CBFA2T3: variants seen among roughly 807,000 people sequenced by gnomAD.
CBFA2T3 encodes the protein transcriptional corepressor CBFA2T3.
CBFA2T3 carries 31 observed loss-of-function variants against 58.6 expected under a neutral mutation model. That is an observed-to-expected ratio of 0.53 (90% CI 0.40 to 0.71). The LOEUF is 0.71. Ranked by LOEUF, CBFA2T3 falls within the 30% of genes least tolerant of loss-of-function variation. The pLI is 0.00. For missense variants in CBFA2T3, 1,076 were observed against 963.1 expected, an observed-to-expected ratio of 1.12 and a Z score of -1.55; for synonymous variants, 531 against 421.9, an observed-to-expected ratio of 1.26 and a Z score of -3.17.
Position 88,894,631 on chromosome 16 carries a change from G to A in CBFA2T3, c.380-2146C>T, listed in dbSNP as rs118030829. Among the ~76,000 whole-genome samples the A allele has an allele frequency of 3.5e-3, 513 of 147,888 alleles. 10 individuals carry two copies. Among genetic ancestry groups the A allele is most frequent in the Non-Finnish European group, 5.5e-3 (360 of 65,790 alleles). Reference sequence around the variant, plus strand: ...TACACACATGCACACACACATGCACGGCTATGATGTACACGCTCGTCTCTC... The same window carrying A: ...TACACACATGCACACACACATGCACAGCTATGATGTACACGCTCGTCTCTC... On this transcript the variant is annotated intron_variant, in intron 3 of 11. Transcript: ENST00000268679.
chr16:88,975,595 C>G (rs1209651906), intron 1 of CBFA2T3, among the ~76,000 whole-genome samples: 1 of 152,270 alleles, frequency 6.6e-6, no homozygotes, highest in African/African-American at 2.4e-5. Flanking sequence ...CTGGTGCTGC[C>G]TTGAAGGTGG....
rs140759167 is a variant in CBFA2T3 at position 88,900,895 on chromosome 16, G to C, written c.304+609C>G. Among the ~76,000 whole-genome samples, 565 of 152,354 alleles carry C rather than the reference G, an allele frequency of 3.7e-3. 5 individuals are homozygous for C. Among genetic ancestry groups the C allele is most frequent in the African/African-American group, 0.013 (529 of 41,594 alleles). On this transcript the variant is annotated intron_variant, in intron 2 of 11. Transcript: ENST00000268679. ...CCAAGCACGGCCAACCCCTTGCCAG[G>C]GCCAGCAAGACAAGGCCTGACAGCT...
intron 1 of CBFA2T3, among the ~76,000 whole-genome samples, chr16:88,929,882 C>CCATA (rs1567615143): frequency 5.4e-5 from 8 of 149,282 alleles, no homozygotes; most frequent in African/African-American, 2.1e-4. Context: ...GCATCATCCA[C>CCATA]GCAAAAGTCA....
chr16:88,903,641 G>A (rs1260185964), intron 1 of CBFA2T3, among the ~76,000 whole-genome samples: 1 of 144,688 alleles, frequency 6.9e-6, no homozygotes, highest in Admixed American at 6.8e-5. Flanking sequence ...GTGTTCCTGT[G>A]GTGGGGGTGT....
intron 1 of CBFA2T3, among the ~76,000 whole-genome samples, chr16:88,963,543 C>T (rs1567637489): frequency 6.6e-6 from 1 of 152,190 alleles, no homozygotes. Flanking sequence ...TCACTGTCTT[C>T]TCCACACCCT....
rs1972298336 is a variant in CBFA2T3 at position 88,958,982 on chromosome 16, C to A, written c.151+17675G>T. Among the ~76,000 whole-genome samples, 1 of 152,210 alleles carries A rather than the reference C, an allele frequency of 6.6e-6. No homozygotes were observed. The highest frequency in any genetic ancestry group is 2.1e-4 in the South Asian group (1 of 4,838). ...CCCCGACCCCTGGCAACCCTGTCAG[C>A]TGCTCATTCACCTAATAGACAAGTG... On this transcript the variant is annotated intron_variant, in intron 1 of 11. Transcript: ENST00000268679. This position sits in a 1 kb window ranked among gnomAD's most constrained non-coding sequence, Gnocchi z 4.0.
intron 1 of CBFA2T3, among the ~76,000 whole-genome samples, chr16:88,923,391 CTGAGCTGCCAGGGACT>C (rs905348807): frequency 7.9e-5 from 12 of 152,236 alleles, no homozygotes; most frequent in Non-Finnish European, 1.5e-4. Context: ...TTGAGGTTTC[CTGAGCTGCCAGGGACT>C]TGCACAGAGA....
intron 10 of CBFA2T3, chr16:88,879,999 C>T (rs1567572694): frequency 6.2e-6 from 1 of 160,392 alleles, no homozygotes; most frequent in Non-Finnish European, 1.4e-5. Context: ...TCACCCCAGA[C>T]CCTGCTGTTA....
chr16:88,880,989 T>C, intron 9 of CBFA2T3: 1 of 674,172 alleles, frequency 1.5e-6, no homozygotes, highest in Non-Finnish European at 2.7e-6. Context: ...GCTGTGGACC[T>C]TGGACTCGGC....
chr16:88,925,408 G>A (rs763474911), intron 1 of CBFA2T3, among the ~76,000 whole-genome samples: 1 of 152,212 alleles, frequency 6.6e-6, no homozygotes, highest in Non-Finnish European at 1.5e-5. Context: ...AGGGGGCCAG[G>A]GGGTGGTGCT....
chr16:88,965,561 A>G (rs1215833924), intron 1 of CBFA2T3, among the ~76,000 whole-genome samples: 3 of 152,238 alleles, frequency 2.0e-5, no homozygotes, highest in African/African-American at 7.2e-5. Context: ...GAGAGTTTGC[A>G]GAACAGGTGT....
At chr16:88,962,569 G>T (rs1972393077) in intron 1 of CBFA2T3, among the ~76,000 whole-genome samples, 1 of 152,132 alleles carries the variant, frequency 6.6e-6, no homozygotes, top group Non-Finnish European at 1.5e-5. Context: ...CACCCTGAGG[G>T]CACGTGGTGG....
chr16:88,880,525 C>T (rs555369851), intron 10 of CBFA2T3, among the ~76,000 whole-genome samples, 195 bp downstream of exon 10: 4 of 152,358 alleles, frequency 2.6e-5, no homozygotes, highest in Non-Finnish European at 4.4e-5. Flanking sequence ...CTGGTAGGCG[C>T]AGGTAGCAGC....
At chr16:88,962,425 A>T (rs1373254765) in intron 1 of CBFA2T3, among the ~76,000 whole-genome samples, 1 of 152,258 alleles carries the variant, frequency 6.6e-6, no homozygotes, top group Non-Finnish European at 1.5e-5. Context: ...TGCTGTGTCC[A>T]CTGTGTCTGC....
In CBFA2T3 at chr16:88,881,312, C is replaced by CGGCGGAGCTGCTGCGGGGCCG; in HGVS notation, c.1360_1380dup (p.Arg454_Ala460dup). ...GCACCTAGCTGAGGCCCTTCGGGAC[C>CGGCGGAGCTGCTGCGGGGCCG]GGCGGAGCTGCTGCGGGGCCGGGCC... On this transcript the variant is annotated inframe_insertion, in exon 9 of 12. Coordinates refer to ENST00000268679, the MANE Select transcript of CBFA2T3 (RefSeq NM_005187.6). 6.3e-7 allele frequency: 1 copy of CGGCGGAGCTGCTGCGGGGCCG among 1,589,538 alleles called. No individual in the cohort carries two copies. The highest frequency in any genetic ancestry group is 8.6e-7 in the Non-Finnish European group (1 of 1,169,018).
Position 88,947,133 on chromosome 16 carries a change from G to A in CBFA2T3, c.151+29524C>T, listed in dbSNP as rs995540249. On this transcript the variant is annotated intron_variant, in intron 1 of 11. Transcript: ENST00000268679. ...TCAGTATTGGTTCATCGGTTGTAAC[G>A]AATGTATCACACCAGTGCCAGGTGC... is the stretch of plus-strand genomic sequence containing the variant. 5.9e-5 allele frequency among the ~76,000 whole-genome samples: 9 copies of A among 152,358 alleles called. 3 individuals are homozygous for A.
At chr16:88,899,713 T>C (rs1397502946) in intron 2 of CBFA2T3, among the ~76,000 whole-genome samples, 1 of 152,200 alleles carries the variant, frequency 6.6e-6, no homozygotes, top group Non-Finnish European at 1.5e-5. Context: ...CTTGAGGGTC[T>C]GGGGAACCAG....
intron 1 of CBFA2T3, among the ~76,000 whole-genome samples, chr16:88,972,336 TG>T (rs1314651369): frequency 2.0e-5 from 3 of 151,922 alleles, no homozygotes; most frequent in Non-Finnish European, 4.4e-5. Flanking sequence ...GGGAGATAGT[TG>T]GGGGGGAGTC....
intron 1 of CBFA2T3, among the ~76,000 whole-genome samples, chr16:88,925,803 C>T (rs1056323532): frequency 2.6e-5 from 4 of 152,192 alleles, no homozygotes; most frequent in Admixed American, 6.5e-5. Flanking sequence ...TCCCCGGCGA[C>T]GGGCTTTTCC....
Sources: allele counts gnomAD v4.1 joint callset (sites outside exome capture counted in the v4.1 genomes callset), GRCh38; gene constraint gnomAD v4.1.1; non-coding constraint Gnocchi (gnomAD v3.1); transcripts MANE v1.5; gene names NCBI Gene and HGNC (gene_info 2026-07-23, HGNC 2026-07-21).